ARHGEF3: variants seen among roughly 807,000 people sequenced by gnomAD.
The protein encoded by ARHGEF3 is 59.8 kDA protein.
In ARHGEF3, 28 loss-of-function variants were observed where a neutral mutation model predicts 63.2. That is an observed-to-expected ratio of 0.44 (90% CI 0.33 to 0.61). The LOEUF is 0.61. ARHGEF3 is among the 20% of genes least tolerant of loss of function. The pLI is 0.03. For missense variants in ARHGEF3, 533 were observed against 659.3 expected, an observed-to-expected ratio of 0.81 and a Z score of 2.10; for synonymous variants, 266 against 254.2, an observed-to-expected ratio of 1.05 and a Z score of -0.44.
At chr3:56,889,296 G>A (rs547147143) in intron 3 of ARHGEF3, among the ~76,000 whole-genome samples, 3 of 152,204 alleles carry the variant, frequency 2.0e-5, no homozygotes, top group Admixed American at 1.3e-4. Context: ...ATCCTTACCC[G>A]ACAACAGATT....
At chr3:57,033,200 C>T (rs1453136519) in intron 2 of ARHGEF3, among the ~76,000 whole-genome samples, 2 of 152,116 alleles carry the variant, frequency 1.3e-5, no homozygotes, top group Non-Finnish European at 1.5e-5. Context: ...TGTTTCAGAC[C>T]TTACAGGCAT....
chr3:56,886,733 T>C (rs2108270073), intron 3 of ARHGEF3, among the ~76,000 whole-genome samples: 1 of 152,314 alleles, frequency 6.6e-6, no homozygotes, highest in Non-Finnish European at 1.5e-5. Context: ...ATGCATGATC[T>C]CATTTGATCC....
intron 2 of ARHGEF3, among the ~76,000 whole-genome samples, chr3:56,986,555 G>A (rs1701546454): frequency 6.6e-6 from 1 of 152,206 alleles, no homozygotes. Context: ...CCTGGGGACG[G>A]TGCAGTTGGG....
At chr3:56,802,113 G>A, upstream of ARHGEF3, 1 of 843,734 alleles carries the variant, frequency 1.2e-6, no homozygotes. Context: ...CCCGCGGGTG[G>A]AGAGGGACCT....
chr3:56,756,179 G>C (rs182375692), intron 2 of ARHGEF3, among the ~76,000 whole-genome samples: 8 of 152,302 alleles, frequency 5.3e-5, no homozygotes, highest in Non-Finnish European at 1.2e-4. Flanking sequence ...CCAGAAGAAA[G>C]CTGAGTGCAT....
intron 7 of ARHGEF3, among the ~76,000 whole-genome samples, chr3:56,740,270 T>TAA (rs11445737): frequency 0.019 from 2,828 of 148,386 alleles, 90 homozygotes; most frequent in African/African-American, 0.064. Flanking sequence ...TACTTTGATT[T>TAA]AAAAAAAAAA....
chr3:56,797,367 G>A (rs201337416), intron 1 of ARHGEF3, among the ~76,000 whole-genome samples: 4 of 152,226 alleles, frequency 2.6e-5, no homozygotes, highest in East Asian at 3.9e-4. Flanking sequence ...GAACAGCCTC[G>A]GAATGATGGC....
At chr3:56,798,536 C>A (rs931727243) in intron 1 of ARHGEF3, among the ~76,000 whole-genome samples, 1 of 43,964 alleles carries the variant, frequency 2.3e-5, no homozygotes, top group Non-Finnish European at 4.9e-5. Flanking sequence ...TTCTTTACTT[C>A]GTTTTTTTTT....
Position 56,875,763 on chromosome 3 carries a change from T to G in ARHGEF3, c.192+6529A>C, listed in dbSNP as rs145056383. On this transcript the variant is annotated intron_variant, in intron 4 of 12. Coordinates refer to the ARHGEF3 transcript ENST00000338458. Reference sequence around the variant, plus strand: ...GAAGAAACTTCAAGCATACCTTCATTCAATGTTTATTCAGCACCTGCTACG... The same window carrying G: ...GAAGAAACTTCAAGCATACCTTCATGCAATGTTTATTCAGCACCTGCTACG... Among the ~76,000 whole-genome samples the G allele has an allele frequency of 8.0e-4, 122 of 152,330 alleles. 1 individual carries two copies. Among genetic ancestry groups the G allele is most frequent in the African/African-American group, 2.7e-3 (114 of 41,572 alleles).
chr3:56,827,429 C>A (rs528481764), intron 4 of ARHGEF3, among the ~76,000 whole-genome samples: 49 of 152,250 alleles, frequency 3.2e-4, no homozygotes, highest in African/African-American at 1.1e-3. Flanking sequence ...CTCAGCTCTG[C>A]CACTTTCTTG....
chr3:57,031,412 G>A (rs1218522981), intron 2 of ARHGEF3, among the ~76,000 whole-genome samples: 1 of 152,132 alleles, frequency 6.6e-6, no homozygotes, highest in Admixed American at 6.6e-5. Flanking sequence ...CGTCTTTACT[G>A]GGTACTGACT....
At chr3:56,883,055 T>C (rs951661741) in intron 3 of ARHGEF3, among the ~76,000 whole-genome samples, 3 of 152,208 alleles carry the variant, frequency 2.0e-5, no homozygotes, top group African/African-American at 7.2e-5. Context: ...TTGAAGATAT[T>C]CCATTTTTAG....
chr3:56,849,932 T>C (rs1012625678), intron 4 of ARHGEF3, among the ~76,000 whole-genome samples: 3 of 152,210 alleles, frequency 2.0e-5, no homozygotes, highest in African/African-American at 7.2e-5. Flanking sequence ...AAACACGCCT[T>C]ACCAAATGGA....
chr3:56,968,178 A>ATAATATAT (rs1473982128), intron 2 of ARHGEF3, among the ~76,000 whole-genome samples: 1 of 18,068 alleles, frequency 5.5e-5, no homozygotes, highest in African/African-American at 1.2e-4. Context: ...TAATATATAT[A>ATAATATAT]AAAATATATA....
intron 2 of ARHGEF3, among the ~76,000 whole-genome samples, chr3:57,015,600 ATTTTT>A (rs11290143): frequency 7.7e-6 from 1 of 129,246 alleles, no homozygotes. Flanking sequence ...CGCCCTGCTA[ATTTTT>A]TTTTTTTTTT....
intron 4 of ARHGEF3, among the ~76,000 whole-genome samples, chr3:56,816,897 TATATG>T (rs1426393287): frequency 2.0e-5 from 3 of 152,338 alleles, no homozygotes; most frequent in Admixed American, 2.0e-4. Flanking sequence ...GATTTGAGCC[TATATG>T]ATATGACTGA....
intron 3 of ARHGEF3, among the ~76,000 whole-genome samples, chr3:56,921,986 T>A (rs1239647850): frequency 6.6e-6 from 1 of 152,188 alleles, no homozygotes; most frequent in Non-Finnish European, 1.5e-5. Context: ...TCTGTCTTTA[T>A]TCTCTCTAAA....
intron 4 of ARHGEF3, among the ~76,000 whole-genome samples, chr3:56,809,699 T>C (rs543107083): frequency 1.3e-5 from 2 of 152,164 alleles, no homozygotes; most frequent in African/African-American, 4.8e-5. Context: ...TCAATAAATA[T>C]GTTATATTTA....
chr3:56,892,812 G>A (rs1405731915), intron 3 of ARHGEF3, among the ~76,000 whole-genome samples: 3 of 152,136 alleles, frequency 2.0e-5, no homozygotes, highest in Non-Finnish European at 2.9e-5. Flanking sequence ...TCCTGGTTCT[G>A]GTAATGTCTT....
Sources: allele counts gnomAD v4.1 joint callset (sites outside exome capture counted in the v4.1 genomes callset), GRCh38; gene constraint gnomAD v4.1.1; transcripts MANE v1.5; gene names NCBI Gene and HGNC (gene_info 2026-07-23, HGNC 2026-07-21).